LURAP1L: variants seen among roughly 807,000 people sequenced by gnomAD.
LURAP1L encodes the protein leucine rich adaptor protein 1 like, also known as leucine rich adaptor protein 1-like.
Under a neutral mutation model 13.8 loss-of-function variants are expected in LURAP1L, and 12 were observed. That is an observed-to-expected ratio of 0.87 (90% CI 0.56 to 1.41). The LOEUF (loss-of-function observed/expected upper bound fraction) is 1.41, where lower values mean the gene tolerates loss of function less well. Among genes scored for constraint, LURAP1L ranks in the 40% most tolerant of loss-of-function variants. The probability of loss-of-function intolerance (pLI) is 0.00; values close to 1 mark genes in which losing one functional copy is unlikely to be tolerated. For synonymous variants in LURAP1L, 139 were observed against 119.2 expected (o/e 1.17, Z -1.08); for missense variants, 375 against 292.9 (o/e 1.28, Z -2.04).
chr9:12,817,992 C>G (rs1279597973), intron 1 of LURAP1L, among the ~76,000 whole-genome samples: 1 of 152,170 alleles, frequency 6.6e-6, no homozygotes, highest in South Asian at 2.1e-4. Flanking sequence ...GCTGTTTACT[C>G]TCTCCCGGGA....
At chr9:12,776,944 C>T (rs969830324) in intron 1 of LURAP1L, among the ~76,000 whole-genome samples, 1 of 152,068 alleles carries the variant, frequency 6.6e-6, no homozygotes, top group Non-Finnish European at 1.5e-5. Context: ...AGAAAATGAT[C>T]CCTCCCTAAG....
intron 1 of LURAP1L, among the ~76,000 whole-genome samples, chr9:12,786,581 T>TATATATATATATATATATATAAAC (rs61134838): frequency 1.9e-3 from 235 of 121,262 alleles, no homozygotes; most frequent in Non-Finnish European, 3.4e-3. Flanking sequence ...TATATATATA[T>TATATATATATATATATATATAAAC]AAACCCTTGT....
chr9:12,792,558 T>C (rs1213152660), intron 1 of LURAP1L, among the ~76,000 whole-genome samples: 4 of 152,224 alleles, frequency 2.6e-5, no homozygotes, highest in African/African-American at 9.6e-5. Context: ...GTCCAATAAA[T>C]GTGTCTATTA....
intron 1 of LURAP1L, chr9:12,790,915 G>A (rs886893589): frequency 1.3e-5 from 2 of 152,118 alleles, no homozygotes; most frequent in Non-Finnish European, 1.5e-5. Context: ...TTGACAAATG[G>A]TAAAGTCTGT....
Position 12,789,091 on chromosome 9 carries a change from A to C in LURAP1L, c.312+13064A>C, listed in dbSNP as rs866458925. On this transcript the variant is annotated intron_variant, in intron 1 of 1. Coordinates refer to ENST00000319264, the MANE Select transcript of LURAP1L (RefSeq NM_203403.2). ...ATCCTGCCTCCCCCAGCACCCCCCC[A>C]AAAAAAAAAGAAAAGAAAAGAAAAA... Among the ~76,000 whole-genome samples, 549 of 85,200 alleles carry C rather than the reference A, an allele frequency of 6.4e-3. 4 individuals carry two copies. Among genetic ancestry groups the C allele is most frequent in the African/African-American group, 0.036 (462 of 12,834 alleles). The allele number at this position is 85,200 out of a possible 152,430, so 55.9% of individuals were successfully genotyped here. A position where few individuals can be genotyped will look rare whatever the true frequency, so the allele number is the denominator to read the frequency against.
intron 1 of LURAP1L, among the ~76,000 whole-genome samples, chr9:12,792,428 A>T (rs544880782): frequency 6.6e-6 from 1 of 152,274 alleles, no homozygotes; most frequent in South Asian, 2.1e-4. Context: ...GATGTGTGCC[A>T]CATCTTCTCT....
intron 1 of LURAP1L, among the ~76,000 whole-genome samples, chr9:12,786,289 A>G (rs1819349610): frequency 6.6e-6 from 1 of 151,824 alleles, no homozygotes; most frequent in East Asian, 1.9e-4. Flanking sequence ...TGCTAATTAT[A>G]TAGAAAAGGT....
Position 12,811,594 on chromosome 9 carries a change from C to T in LURAP1L, c.313-9792C>T, listed in dbSNP as rs549639312. Among the ~76,000 whole-genome samples, 11 of 152,248 alleles carry T rather than the reference C, an allele frequency of 7.2e-5. No individual in the cohort carries two copies. The East Asian group carries it at 2.1e-3, about 29-fold the overall frequency. ...ACTCTATTTGTTCCTTTTATTCAAACTACAAAGCAATGTACTGGTAAAGTA... is the reference window on the plus strand; with the variant it reads ...ACTCTATTTGTTCCTTTTATTCAAATTACAAAGCAATGTACTGGTAAAGTA... On this transcript the variant is annotated intron_variant, in intron 1 of 1. Coordinates refer to ENST00000319264, the MANE Select transcript of LURAP1L (RefSeq NM_203403.2).
Position 12,814,522 on chromosome 9 carries a change from A to C in LURAP1L, c.313-6864A>C, listed in dbSNP as rs147713205. On this transcript the variant is annotated intron_variant, in intron 1 of 1. Transcript: ENST00000319264. ...TGGAAAAGGAATTGACATCACAGGCATCTAAGTATCAATTGGACCTAGAAT... is the reference window on the plus strand; with the variant it reads ...TGGAAAAGGAATTGACATCACAGGCCTCTAAGTATCAATTGGACCTAGAAT... Among the ~76,000 whole-genome samples the C allele has an allele frequency of 2.8e-3, 431 of 152,334 alleles. 3 individuals carry two copies. The highest frequency in any genetic ancestry group is 0.01 in the African/African-American group (417 of 41,584).
At chr9:12,813,065 GTAAAAT>G (rs1819759327) in intron 1 of LURAP1L, among the ~76,000 whole-genome samples, 1 of 152,020 alleles carries the variant, frequency 6.6e-6, no homozygotes. Context: ...GCCCTAAGGG[GTAAAAT>G]GCAAGTCTCT....
chr9:12,810,210 A>C (rs999916120), intron 1 of LURAP1L, among the ~76,000 whole-genome samples: 1 of 152,196 alleles, frequency 6.6e-6, no homozygotes, highest in East Asian at 1.9e-4. Flanking sequence ...AAAACTCATG[A>C]AAGTGCGGGG....
chr9:12,778,924 G>C (rs1230207591), intron 1 of LURAP1L, among the ~76,000 whole-genome samples: 1 of 152,152 alleles, frequency 6.6e-6, no homozygotes, highest in Non-Finnish European at 1.5e-5. Flanking sequence ...TGAAACTGTG[G>C]ATAGTACCAA....
chr9:12,795,151 T>G (rs1181331669), intron 1 of LURAP1L, among the ~76,000 whole-genome samples: 2 of 151,998 alleles, frequency 1.3e-5, no homozygotes, highest in Non-Finnish European at 2.9e-5. Flanking sequence ...CCCTGTGCAT[T>G]CTTGCCCCTT....
intron 1 of LURAP1L, among the ~76,000 whole-genome samples, chr9:12,813,354 T>C (rs1301194311): frequency 2.0e-5 from 3 of 152,162 alleles, no homozygotes; most frequent in African/African-American, 4.8e-5. Flanking sequence ...CATTTTACTT[T>C]CATGATTTTT....
chr9:12,787,908 T>C (rs550085763), intron 1 of LURAP1L, among the ~76,000 whole-genome samples: 166 of 152,058 alleles, frequency 1.1e-3, no homozygotes, highest in African/African-American at 3.9e-3. Context: ...AGTCAGGAAT[T>C]CAAGACCAAC....
At chr9:12,780,477 A>C (rs982013061) in intron 1 of LURAP1L, among the ~76,000 whole-genome samples, 1 of 152,214 alleles carries the variant, frequency 6.6e-6, no homozygotes, top group African/African-American at 2.4e-5. Context: ...GGATGTTGAG[A>C]TATAACTAGG....
intron 1 of LURAP1L, among the ~76,000 whole-genome samples, chr9:12,791,540 T>C (rs1230441693): frequency 6.6e-6 from 1 of 151,974 alleles, no homozygotes; most frequent in African/African-American, 2.4e-5. Flanking sequence ...TTCCAGACTT[T>C]ACGTAAAAAT....
chr9:12,807,096 T>TAA (rs1819669741), intron 1 of LURAP1L, among the ~76,000 whole-genome samples: 1 of 83,164 alleles, frequency 1.2e-5, no homozygotes, highest in Non-Finnish European at 2.1e-5. Flanking sequence ...TCTACTAAAA[T>TAA]ATATATATAT....
At chr9:12,804,194 G>A (rs1819624381) in intron 1 of LURAP1L, among the ~76,000 whole-genome samples, 1 of 151,998 alleles carries the variant, frequency 6.6e-6, no homozygotes, top group South Asian at 2.1e-4. Flanking sequence ...GAAGGCTTAG[G>A]GACACATATT....
Sources: allele counts gnomAD v4.1 joint callset (sites outside exome capture counted in the v4.1 genomes callset), GRCh38; gene constraint gnomAD v4.1.1; transcripts MANE v1.5; gene names NCBI Gene and HGNC (gene_info 2026-07-23, HGNC 2026-07-21).